The following UNC5D variants were observed in gnomAD, a reference collection of about 807,000 sequenced individuals.
UNC5D encodes unc-5 netrin receptor D, also known as netrin receptor UNC5D.
Under a neutral mutation model 105.4 loss-of-function variants are expected in UNC5D, and 39 were observed. The ratio of observed to expected loss-of-function variants is 0.37; its 90% CI spans 0.29 to 0.48. UNC5D has a LOEUF of 0.48. Ranked by LOEUF, UNC5D falls within the 20% of genes least tolerant of loss-of-function variation. The pLI is 0.98. For missense variants in UNC5D, 991 were observed against 1,202.4 expected, an observed-to-expected ratio of 0.82 and a Z score of 2.60; for synonymous variants, 452 against 450.4, an observed-to-expected ratio of 1.00 and a Z score of -0.04.
chr8:35,435,923 G>A (rs1357135328), intron 1 of UNC5D, among the ~76,000 whole-genome samples: 1 of 151,958 alleles, frequency 6.6e-6, no homozygotes, highest in Non-Finnish European at 1.5e-5. Flanking sequence ...GACTTGAAAT[G>A]ATTATTTTCT....
At chr8:35,724,073 C>G in intron 9 of UNC5D, 1 of 1,322,194 alleles carries the variant, frequency 7.6e-7, no homozygotes, top group African/African-American at 1.5e-5. Context: ...GTACAGGATG[C>G]CAGCGTGTTC....
intron 11 of UNC5D, among the ~76,000 whole-genome samples, chr8:35,745,786 G>A (rs1829973708): frequency 6.6e-6 from 1 of 152,182 alleles, no homozygotes; most frequent in Non-Finnish European, 1.5e-5. Flanking sequence ...TAGGGTGTAT[G>A]ATACATCGAG....
chr8:35,488,074 A>G (rs867038478), intron 1 of UNC5D, among the ~76,000 whole-genome samples: 4 of 152,240 alleles, frequency 2.6e-5, no homozygotes, highest in South Asian at 4.1e-4. Context: ...AAAAATCAGA[A>G]CATGAAGATT....
In UNC5D at chr8:35,790,689, C is replaced by T; in HGVS notation, c.*126C>T. 1.9e-6 allele frequency: 2 copies of T among 1,069,396 alleles called. No individual in the cohort carries two copies. Among genetic ancestry groups the T allele is most frequent in the East Asian group, 2.6e-5 (1 of 38,860 alleles). The allele number at this position is 1,069,396 out of a possible 1,614,324, so 66.2% of individuals were successfully genotyped here. On this transcript the variant is annotated 3_prime_UTR_variant, in exon 17 of 17. Coordinates refer to ENST00000404895, the MANE Select transcript of UNC5D (RefSeq NM_080872.4). ...CCTTCATTTATAATCAGTGAGATTCCCCTGTTGAAGAAACTAAATTTTATA... is the reference window on the plus strand; with the variant it reads ...CCTTCATTTATAATCAGTGAGATTCTCCTGTTGAAGAAACTAAATTTTATA...
chr8:35,412,012 G>T (rs1206283655), intron 1 of UNC5D, among the ~76,000 whole-genome samples: 1 of 151,990 alleles, frequency 6.6e-6, no homozygotes, highest in East Asian at 1.9e-4. Flanking sequence ...ATTTCAAAAT[G>T]AACACAACAT....
intron 1 of UNC5D, among the ~76,000 whole-genome samples, chr8:35,374,834 GTT>G (rs1802607656): frequency 6.6e-6 from 1 of 152,188 alleles, no homozygotes; most frequent in Admixed American, 6.5e-5. Context: ...AATGCTGACA[GTT>G]TTGTCTGAGA....
Position 35,726,072 on chromosome 8 carries a change from G to A in UNC5D, c.1304-80G>A, listed in dbSNP as rs563995812. 172 of 1,516,266 alleles carry A rather than the reference G, an allele frequency of 1.1e-4. 1 individual carries two copies. Among genetic ancestry groups the A allele is most frequent in the Non-Finnish European group, 1.2e-4 (140 of 1,132,702 alleles). The allele number at this position is 1,516,266 out of a possible 1,614,324, so 93.9% of individuals were successfully genotyped here. A position where few individuals can be genotyped will look rare whatever the true frequency, so the allele number is the denominator to read the frequency against. Reference sequence around the variant, plus strand: ...TGCTGGCACCTATGCAGGCTGTTGCGCAGTTTGCAGAGGCAGAAGTACAGG... The same window carrying A: ...TGCTGGCACCTATGCAGGCTGTTGCACAGTTTGCAGAGGCAGAAGTACAGG... On this transcript the variant is annotated intron_variant, in intron 9 of 16. Coordinates refer to ENST00000404895, the MANE Select transcript of UNC5D (RefSeq NM_080872.4).
chr8:35,630,421 A>G (rs969741601), intron 4 of UNC5D, among the ~76,000 whole-genome samples: 19 of 152,338 alleles, frequency 1.2e-4, no homozygotes, highest in African/African-American at 4.1e-4. Context: ...TTCCTCTAAC[A>G]TTGCCTGAGT....
chr8:35,543,298 GA>G (rs11386003), intron 1 of UNC5D, among the ~76,000 whole-genome samples: 103 of 152,184 alleles, frequency 6.8e-4, no homozygotes, highest in African/African-American at 2.3e-3. Flanking sequence ...GTCCTCTCAA[GA>G]AAAAAGTATA....
chr8:35,548,200 A>G (rs538779026), intron 1 of UNC5D, among the ~76,000 whole-genome samples: 1 of 152,284 alleles, frequency 6.6e-6, no homozygotes, highest in African/African-American at 2.4e-5. Flanking sequence ...GCATCCTTCC[A>G]TCCAATCAAG....
chr8:35,706,464 T>C (rs1447599297), intron 8 of UNC5D, among the ~76,000 whole-genome samples: 1 of 152,042 alleles, frequency 6.6e-6, no homozygotes, highest in Non-Finnish European at 1.5e-5. Flanking sequence ...CAGGCTTGCT[T>C]ATGGGAGAGG....
At chr8:35,352,712 A>G (rs1477454967) in intron 1 of UNC5D, among the ~76,000 whole-genome samples, 1 of 152,108 alleles carries the variant, frequency 6.6e-6, no homozygotes, top group East Asian at 1.9e-4. Context: ...TCCTGGGTTC[A>G]AGTGATTCTT....
intron 4 of UNC5D, among the ~76,000 whole-genome samples, chr8:35,637,017 A>G (rs1247273259): frequency 3.3e-5 from 5 of 152,252 alleles, no homozygotes; most frequent in Middle Eastern, 3.4e-3. Context: ...CTCACTTCCA[A>G]TGAGGATGAA....
intron 1 of UNC5D, among the ~76,000 whole-genome samples, chr8:35,248,997 AT>A (rs1803470740): frequency 3.5e-5 from 3 of 85,672 alleles, no homozygotes; most frequent in Non-Finnish European, 6.2e-5. Context: ...TATATTATAT[AT>A]AAACATATAT....
rs1803068438 is a variant in UNC5D, at chr8:35,792,051, G to A, written c.*1488G>A. The A allele has an allele frequency of 6.6e-6, 1 of 152,122 alleles. No homozygotes were observed. Among genetic ancestry groups the A allele is most frequent in the Non-Finnish European group, 1.5e-5 (1 of 68,026 alleles). 9.4% of individuals were successfully genotyped at this position (152,122 alleles called of 1,614,324 possible). A position where few individuals can be genotyped will look rare whatever the true frequency, so the allele number is the denominator to read the frequency against. ...CAGGACAACCAAAGTCAAGGACCCA[G>A]ATGAACCACAAGGCAGCTAGTCAGC... On this transcript the variant is annotated 3_prime_UTR_variant, in exon 17 of 17. Transcript: ENST00000404895.
chr8:35,295,809 C>G (rs1807440271), intron 1 of UNC5D, among the ~76,000 whole-genome samples: 1 of 152,174 alleles, frequency 6.6e-6, no homozygotes, highest in South Asian at 2.1e-4. Flanking sequence ...AAGTTTGCAG[C>G]CTTTCACCAG....
intron 4 of UNC5D, among the ~76,000 whole-genome samples, chr8:35,597,807 G>A (rs2130910875): frequency 6.6e-6 from 1 of 152,248 alleles, no homozygotes; most frequent in East Asian, 1.9e-4. Context: ...CAAAGGTCTT[G>A]CAGCCATTTA....
At chr8:35,592,439 T>C (rs1819230113) in intron 3 of UNC5D, among the ~76,000 whole-genome samples, 1 of 152,202 alleles carries the variant, frequency 6.6e-6, no homozygotes, top group Non-Finnish European at 1.5e-5. Flanking sequence ...TGTCCGTTTC[T>C]TTCAAGGCTT....
chr8:35,666,932 A>C (rs1171727623), intron 4 of UNC5D, among the ~76,000 whole-genome samples: 12 of 152,182 alleles, frequency 7.9e-5, no homozygotes, highest in Non-Finnish European at 1.8e-4. Context: ...GCAAAAATAA[A>C]ATAGTTGTCT....
Sources: gnomAD v4.1 joint callset for allele counts (sites outside exome capture counted in the v4.1 genomes callset) on GRCh38, gnomAD v4.1.1 for gene constraint, MANE v1.5 for transcripts, NCBI Gene and HGNC (gene_info 2026-07-23, HGNC 2026-07-21) for gene names.